The following RFC2 variants were observed in gnomAD, a reference collection of about 807,000 sequenced individuals.
RFC2 encodes the protein A1 40 kDa subunit.
Under a neutral mutation model 44.8 loss-of-function variants are expected in RFC2, and 34 were observed. The observed-to-expected ratio is 0.76, with a 90% CI of 0.58 to 1.01. The LOEUF (loss-of-function observed/expected upper bound fraction) is 1.01. Among genes scored for constraint, RFC2 ranks in the 50% least tolerant of loss-of-function variants. RFC2 has a pLI of 0.00. For synonymous variants in RFC2, 177 were observed against 168.9 expected, an observed-to-expected ratio of 1.05 and a Z score of -0.37; for missense variants, 400 against 453.6, an observed-to-expected ratio of 0.88 and a Z score of 1.07.
At chr7:74,233,921 A>G (rs1554717773) in intron 10 of RFC2, 1 of 455,786 alleles carries the variant, frequency 2.2e-6, no homozygotes, top group South Asian at 1.5e-5. Flanking sequence ...TACACTTATC[A>G]TTTTCCCAGG....
At chr7:74,246,074 T>C (rs1333351728) in intron 5 of RFC2, among the ~76,000 whole-genome samples, 1 of 151,900 alleles carries the variant, frequency 6.6e-6, no homozygotes, top group Admixed American at 6.6e-5. Context: ...TGCATGCCTG[T>C]AGTCTCAGCT....
At chr7:74,251,372 G>A (rs1163361531) in intron 2 of RFC2, among the ~76,000 whole-genome samples, 4 of 151,812 alleles carry the variant, frequency 2.6e-5, no homozygotes, top group Admixed American at 6.6e-5. Flanking sequence ...AAATTTTTTC[G>A]TAGAGACTGG....
intron 7 of RFC2, among the ~76,000 whole-genome samples, chr7:74,239,489 G>A (rs574259888): frequency 3.3e-5 from 5 of 151,890 alleles, no homozygotes; most frequent in South Asian, 2.1e-4. Flanking sequence ...CCACCACCAC[G>A]CCTGGCTAAT....
chr7:74,253,880 T>C (rs1787119694), intron 1 of RFC2, among the ~76,000 whole-genome samples: 1 of 152,132 alleles, frequency 6.6e-6, no homozygotes, highest in Admixed American at 6.6e-5. Context: ...CAAATGTAAA[T>C]GTTATTGAAC....
rs1011799348 is a variant in RFC2, at chr7:74,238,730, T to C, written c.759+193A>G. On this transcript the variant is annotated intron_variant, in intron 8 of 10. Coordinates refer to ENST00000055077, the MANE Select transcript of RFC2 (RefSeq NM_181471.3). The surrounding 1 kb of genome is among the most constrained non-coding windows in gnomAD (Gnocchi z 4.0). ...TACCACACACAAGTGACGTTCCAGG[T>C]CCCCCGAAACTCTCCAGCTTGTGCA... Among the ~76,000 whole-genome samples the C allele has an allele frequency of 2.0e-5, 3 of 151,744 alleles. No homozygotes were observed. The highest frequency in any genetic ancestry group is 2.9e-5 in the Non-Finnish European group (2 of 67,958).
rs1182511706 is a variant in RFC2, at chr7:74,236,240, G to GTTT, written c.841-598_841-596dup. On this transcript the variant is annotated intron_variant, in intron 9 of 10. Transcript: ENST00000055077. ...TCTGGAGGCAGGCCTTTTTGCCTTT[G>GTTT]TTTTGGCATCTTGGGGTGAATTCAG... Among the ~76,000 whole-genome samples the GTTT allele has an allele frequency of 9.8e-5, 14 of 143,384 alleles. No individual in the cohort carries two copies. In the East Asian group the frequency reaches 3.3e-3, roughly 34 times the overall value. 94.1% of individuals were successfully genotyped at this position (143,384 alleles called of 152,430 possible).
chr7:74,232,007 G>T lies in RFC2; in HGVS notation c.*99C>A, dbSNP rs1802752698. ...CCACTGGAGTTTAAAGGACAGTCATGTTGGCTCCAGCCTAAGGCGGCATTT... is the reference window on the plus strand; with the variant it reads ...CCACTGGAGTTTAAAGGACAGTCATTTTGGCTCCAGCCTAAGGCGGCATTT... On this transcript the variant is annotated 3_prime_UTR_variant, in exon 11 of 11. Transcript: ENST00000055077. The T allele has an allele frequency of 2.7e-6, 2 of 745,340 alleles. No individual in the cohort carries two copies. Among genetic ancestry groups the T allele is most frequent in the Admixed American group, 2.1e-5 (1 of 46,778 alleles). The allele number at this position is 745,340 out of a possible 1,614,324, so 46.2% of individuals were successfully genotyped here.
chr7:74,246,552 G>T, intron 5 of RFC2, 110 bp downstream of exon 5: 1 of 638,518 alleles, frequency 1.6e-6, no homozygotes, highest in Non-Finnish European at 2.7e-6. Context: ...ATTGCTTGTG[G>T]AAGATATGAT....
In RFC2 at chr7:74,251,835, C is replaced by T. The variant is rs547088134; in HGVS notation, c.183+594G>A. ...AAAAAAGGCCGGGCGCGGTGGTTCA[C>T]GCCTGTAATCCCAGCACTTTGGGAG... On this transcript the variant is annotated intron_variant, in intron 2 of 10. Coordinates refer to ENST00000055077, the MANE Select transcript of RFC2 (RefSeq NM_181471.3). Among the ~76,000 whole-genome samples the T allele has an allele frequency of 2.6e-3, 370 of 140,472 alleles. 1 individual carries two copies. The highest frequency in any genetic ancestry group is 8.8e-3 in the African/African-American group (330 of 37,390). The allele number at this position is 140,472 out of a possible 152,430, so 92.2% of individuals were successfully genotyped here. A position where few individuals can be genotyped will look rare whatever the true frequency, so the allele number is the denominator to read the frequency against.
At chr7:74,246,550 T>G in intron 5 of RFC2, 112 bp downstream of exon 5, 1 of 630,938 alleles carries the variant, frequency 1.6e-6, no homozygotes, top group East Asian at 2.8e-5. Context: ...AAATTGCTTG[T>G]GGAAGATATG....
intron 6 of RFC2, among the ~76,000 whole-genome samples, chr7:74,241,633 G>A (rs1803335352): frequency 6.6e-6 from 1 of 152,176 alleles, no homozygotes; most frequent in Admixed American, 6.6e-5. Flanking sequence ...GAGGAAAGAG[G>A]ACAGCTGGGC....
intron 6 of RFC2, among the ~76,000 whole-genome samples, chr7:74,241,012 C>T (rs782419673): frequency 6.6e-6 from 1 of 152,106 alleles, no homozygotes; most frequent in Non-Finnish European, 1.5e-5. Context: ...CTCACTGCAA[C>T]CTCCACCTCC....
rs1257493308 is a variant in RFC2 at position 74,238,258 on chromosome 7, T to C, written c.759+665A>G. On this transcript the variant is annotated intron_variant, in intron 8 of 10. Transcript: ENST00000055077. The surrounding 1 kb of genome is among the most constrained non-coding windows in gnomAD (Gnocchi z 4.0). Reference sequence around the variant, plus strand: ...AACCTGGTAAGAAACAGCTATAGGCTGAAAGCTTGGACAGCCCTTCCCAGT... The same window carrying C: ...AACCTGGTAAGAAACAGCTATAGGCCGAAAGCTTGGACAGCCCTTCCCAGT... Among the ~76,000 whole-genome samples the C allele has an allele frequency of 6.6e-6, 1 of 152,156 alleles. No individual in the cohort carries two copies. The highest frequency in any genetic ancestry group is 1.5e-5 in the Non-Finnish European group (1 of 68,028).
chr7:74,239,107 C>G, intron 7 of RFC2, 119 bp from the exon 8 acceptor site: 1 of 737,930 alleles, frequency 1.4e-6, no homozygotes, highest in East Asian at 2.8e-5. Flanking sequence ...AAGCGATTCT[C>G]CCACCTCCGC....
intron 9 of RFC2, 52 bp from the exon 10 acceptor site, chr7:74,235,697 CAT>C (rs782519793): frequency 4.7e-5 from 60 of 1,286,184 alleles, no homozygotes; most frequent in Middle Eastern, 1.8e-4. Flanking sequence ...TGTAAGAAGA[CAT>C]GTGATTTTGA....
At chr7:74,237,203 T>C in intron 9 of RFC2, 159 bp downstream of exon 9, 1 of 568,644 alleles carries the variant, frequency 1.8e-6, no homozygotes, top group Non-Finnish European at 3.3e-6. Flanking sequence ...AGCCTTGACC[T>C]CCAAGGCTCA....
At chr7:74,254,147 G>A (rs1787139045) in intron 1 of RFC2, 124 bp downstream of exon 1, 1 of 727,218 alleles carries the variant, frequency 1.4e-6, no homozygotes, top group Non-Finnish European at 2.5e-6. Flanking sequence ...GCCACCCGGG[G>A]CCTCCTCCTC....
rs1803147410 is a variant in RFC2 at position 74,238,540 on chromosome 7, C to T, written c.759+383G>A. On this transcript the variant is annotated intron_variant, in intron 8 of 10. Coordinates refer to ENST00000055077, the MANE Select transcript of RFC2 (RefSeq NM_181471.3). The surrounding 1 kb of genome is among the most constrained non-coding windows in gnomAD (Gnocchi z 4.0). ...GTCTGAAGGCTACTGGGGAACAGCACAGTGCTCCTGCCTGCCCTTTAGGGG... is the reference window on the plus strand; with the variant it reads ...GTCTGAAGGCTACTGGGGAACAGCATAGTGCTCCTGCCTGCCCTTTAGGGG... Among the ~76,000 whole-genome samples the T allele has an allele frequency of 2.0e-5, 3 of 152,004 alleles. No homozygotes were observed. The highest frequency in any genetic ancestry group is 6.5e-5 in the Admixed American group (1 of 15,268).
chr7:74,253,966 T>A (rs1554721488), intron 1 of RFC2, among the ~76,000 whole-genome samples: 1 of 152,166 alleles, frequency 6.6e-6, no homozygotes, highest in East Asian at 1.9e-4. Flanking sequence ...AAACACTAGG[T>A]CATACACTAC....
Sources: allele counts gnomAD v4.1 joint callset (sites outside exome capture counted in the v4.1 genomes callset), GRCh38; gene constraint gnomAD v4.1.1; non-coding constraint Gnocchi (gnomAD v3.1); transcripts MANE v1.5; gene names NCBI Gene and HGNC (gene_info 2026-07-23, HGNC 2026-07-21).